The following SNX6 variants were observed in gnomAD, a reference collection of about 807,000 sequenced individuals.
SNX6 encodes sorting nexin 6.
A neutral mutation model predicts 63.0 loss-of-function variants in SNX6; 34 were observed. The observed-to-expected ratio is 0.54, with a 90% CI of 0.41 to 0.72. SNX6 has a LOEUF of 0.72. Among genes scored for constraint, SNX6 ranks in the 30% least tolerant of loss-of-function variants. SNX6 has a pLI of 0.00. For synonymous variants in SNX6, 170 were observed against 164.2 expected, an observed-to-expected ratio of 1.04 and a Z score of -0.27; for missense variants, 398 against 471.4, an observed-to-expected ratio of 0.84 and a Z score of 1.44.
chr14:34,616,485 T>G (rs1883424271), intron 2 of SNX6, among the ~76,000 whole-genome samples: 2 of 152,120 alleles, frequency 1.3e-5, no homozygotes, highest in Admixed American at 6.6e-5. Context: ...TCATTCCATC[T>G]CAGCCTTCCA....
chr14:34,568,355 C>A (rs538334759), intron 11 of SNX6, among the ~76,000 whole-genome samples: 2 of 151,888 alleles, frequency 1.3e-5, no homozygotes, highest in Admixed American at 1.3e-4. Flanking sequence ...CTCAGTCTCC[C>A]GAGTAGCTGA....
At chr14:34,609,242 T>A (rs1329421307) in intron 3 of SNX6, among the ~76,000 whole-genome samples, 1 of 152,002 alleles carries the variant, frequency 6.6e-6, no homozygotes, top group African/African-American at 2.4e-5. Flanking sequence ...TCCCAGCACT[T>A]TGGGCGGATA....
chr14:34,568,777 T>C lies in SNX6; in HGVS notation c.922-764A>G, dbSNP rs900584008. 4.8e-5 allele frequency: 45 copies of C among 939,234 alleles called. No individual in the cohort carries two copies. The Admixed American group carries it at 8.0e-4, about 17-fold the overall frequency. 58.2% of individuals were successfully genotyped at this position (939,234 alleles called of 1,614,324 possible). ...ACGTGTCAGTTTGCGGCCCCCATCTTGGTCCTTTTCCACCATTTTTAGCCC... is the reference window on the plus strand; with the variant it reads ...ACGTGTCAGTTTGCGGCCCCCATCTCGGTCCTTTTCCACCATTTTTAGCCC... On this transcript the variant is annotated intron_variant, in intron 11 of 13. Transcript: ENST00000362031.
chr14:34,597,747 TTAATCTTAA>T, intron 6 of SNX6, 102 bp from the exon 7 acceptor site: 1 of 650,338 alleles, frequency 1.5e-6, no homozygotes, highest in Non-Finnish European at 2.6e-6. Flanking sequence ...ATCCTAGTTT[TTAATCTTAA>T]TAAAGTGGAA....
At chr14:34,623,185 T>C (rs550427878) in intron 2 of SNX6, among the ~76,000 whole-genome samples, 41 of 152,260 alleles carry the variant, frequency 2.7e-4, no homozygotes, top group African/African-American at 9.6e-4. Flanking sequence ...TGGCATGTGT[T>C]TAAGCTAAAA....
intron 7 of SNX6, among the ~76,000 whole-genome samples, chr14:34,594,752 A>G (rs752502594): frequency 2.0e-5 from 3 of 152,302 alleles, no homozygotes; most frequent in African/African-American, 4.8e-5. Context: ...TTGGAGACCC[A>G]TATCAACAGA....
chr14:34,610,878 C>A (rs1198289949), intron 2 of SNX6, among the ~76,000 whole-genome samples: 1 of 152,156 alleles, frequency 6.6e-6, no homozygotes, highest in Admixed American at 6.5e-5. Context: ...TAGAGAATCT[C>A]ACCTGGTCAT....
intron 6 of SNX6, among the ~76,000 whole-genome samples, chr14:34,601,287 G>A (rs1028674687): frequency 4.7e-5 from 7 of 150,122 alleles, no homozygotes; most frequent in African/African-American, 5.0e-5. Flanking sequence ...ATGCAGTGGC[G>A]CAACCTTGGC....
intron 9 of SNX6, among the ~76,000 whole-genome samples, chr14:34,583,151 A>G (rs1882009427): frequency 6.6e-6 from 1 of 152,092 alleles, no homozygotes; most frequent in Non-Finnish European, 1.5e-5. Flanking sequence ...CTAAAAATAC[A>G]AAACAAAATT....
chr14:34,582,225 GGGTTCAA>G, intron 9 of SNX6, among the ~76,000 whole-genome samples: 1 of 150,236 alleles, frequency 6.7e-6, no homozygotes, highest in South Asian at 2.1e-4. Flanking sequence ...TCTGCCTCCT[GGGTTCAA>G]GTGAGTCTCC....
At chr14:34,627,203 T>C (rs1338886250) in intron 2 of SNX6, among the ~76,000 whole-genome samples, 1 of 152,076 alleles carries the variant, frequency 6.6e-6, no homozygotes, top group East Asian at 1.9e-4. Context: ...TCCCAGCACT[T>C]TGGGAGGCAG....
At chr14:34,581,959 G>C (rs1038750222) in intron 9 of SNX6, among the ~76,000 whole-genome samples, 1 of 152,020 alleles carries the variant, frequency 6.6e-6, no homozygotes, top group East Asian at 1.9e-4. Flanking sequence ...CTCCCGAATA[G>C]CTGGGACTAC....
In SNX6 at chr14:34,597,592, G is replaced by T; in HGVS notation, c.570C>A (p.Asn190Lys). Residue 190 changes from asparagine (N) to lysine (K), a missense_variant, in exon 7 of 14, where the codon AAC becomes AAA. Physicochemically the swap from Asn to Lys is moderately conservative, Grantham distance 94. Transcript: ENST00000362031. ...TTACTCCATCTGCTGATTTAACCAT[G>T]TTTTTAAAGAAGTCTTCAAGTTTCT... ...KKEKLEDFFK[N>K]MVKSADGVIV... The T allele has an allele frequency of 6.2e-7, 1 of 1,608,404 alleles. No individual in the cohort carries two copies.
At chr14:34,629,400 G>T (rs1883949610) in intron 2 of SNX6, 1 of 450,394 alleles carries the variant, frequency 2.2e-6, no homozygotes, top group Admixed American at 2.4e-5. Flanking sequence ...TAGGGCACTG[G>T]ACAGGAGTTG....
intron 8 of SNX6, among the ~76,000 whole-genome samples, chr14:34,589,200 A>G (rs1488855125): frequency 6.6e-6 from 1 of 152,090 alleles, no homozygotes; most frequent in Non-Finnish European, 1.5e-5. Flanking sequence ...TCACGCCTGT[A>G]ATCCCAGCAC....
intron 5 of SNX6, chr14:34,604,184 T>C (rs1882930302): frequency 1.6e-6 from 2 of 1,287,982 alleles, no homozygotes; most frequent in Non-Finnish European, 2.0e-6. Flanking sequence ...TCTGTGAGGG[T>C]AGTCATTCAG....
intron 6 of SNX6, among the ~76,000 whole-genome samples, 159 bp downstream of exon 6, chr14:34,603,189 A>G (rs1386569497): frequency 6.6e-6 from 1 of 151,622 alleles, no homozygotes; most frequent in East Asian, 1.9e-4. Flanking sequence ...GAGGCAGGAG[A>G]ATGGCATGAA....
intron 2 of SNX6, among the ~76,000 whole-genome samples, chr14:34,623,683 A>G (rs895415188): frequency 9.2e-5 from 14 of 152,190 alleles, no homozygotes; most frequent in African/African-American, 3.4e-4. Context: ...GACTGTTCTG[A>G]TATAAAGATG....
At chr14:34,596,501 C>T (rs1440000987) in intron 7 of SNX6, among the ~76,000 whole-genome samples, 1 of 150,266 alleles carries the variant, frequency 6.7e-6, no homozygotes, top group Non-Finnish European at 1.5e-5. Context: ...TGCCTGTAAT[C>T]CCAGCTACTC....
Sources: gnomAD v4.1 joint callset for allele counts (sites outside exome capture counted in the v4.1 genomes callset) on GRCh38, gnomAD v4.1.1 for gene constraint, MANE v1.5 for transcripts, NCBI Gene and HGNC (gene_info 2026-07-23, HGNC 2026-07-21) for gene names.